VRK2: variants seen among roughly 807,000 people sequenced by gnomAD.
VRK2 encodes the protein VRK serine/threonine kinase 2.
A neutral mutation model predicts 57.6 loss-of-function variants in VRK2; 60 were observed. The ratio of observed to expected loss-of-function variants is 1.04; its 90% confidence interval spans 0.85 to 1.29. The LOEUF (loss-of-function observed/expected upper bound fraction) is 1.29, where lower values mean the gene tolerates loss of function less well. Ranked by LOEUF, VRK2 falls within the 50% of genes most tolerant of loss-of-function variation. The pLI is 0.00. For synonymous variants in VRK2, 231 were observed against 199.2 expected, an observed-to-expected ratio of 1.16 and a Z score of -1.35; for missense variants, 705 against 588.1, an observed-to-expected ratio of 1.20 and a Z score of -2.06.
chr2:57,945,421 A>G (rs1267464718), intron 1 of VRK2, among the ~76,000 whole-genome samples: 1 of 152,162 alleles, frequency 6.6e-6, no homozygotes, highest in Non-Finnish European at 1.5e-5. Flanking sequence ...AAGGTCTGGC[A>G]CATAATAGCT....
intron 8 of VRK2, among the ~76,000 whole-genome samples, chr2:58,130,609 G>T (rs907754703): frequency 6.6e-6 from 1 of 152,240 alleles, no homozygotes; most frequent in Middle Eastern, 3.4e-3. Context: ...CGATGTGTTG[G>T]CATCATTGTT....
intron 11 of VRK2, 84 bp from the exon 12 acceptor site, chr2:58,146,232 T>C (rs1682102105): frequency 8.2e-7 from 1 of 1,216,182 alleles, no homozygotes; most frequent in African/African-American, 1.6e-5. Flanking sequence ...AGTTTAGAGC[T>C]TTTAAGAATC....
intron 2 of VRK2, among the ~76,000 whole-genome samples, chr2:58,079,040 A>G (rs567825924): frequency 2.6e-5 from 4 of 152,190 alleles, no homozygotes; most frequent in African/African-American, 9.6e-5. Context: ...TATATTCTGT[A>G]TATTTACCTC....
intron 1 of VRK2, among the ~76,000 whole-genome samples, chr2:58,008,547 A>AGAAGGAAGGTAG (rs1198164747): frequency 6.6e-6 from 1 of 152,024 alleles, no homozygotes; most frequent in Admixed American, 6.6e-5. Context: ...GAAGGAAGGC[A>AGAAGGAAGGTAG]GAAGGAAGGT....
intron 2 of VRK2, among the ~76,000 whole-genome samples, chr2:58,077,280 C>A (rs937141831): frequency 2.6e-5 from 4 of 151,964 alleles, no homozygotes; most frequent in Non-Finnish European, 5.9e-5. Flanking sequence ...ACCTAGAACA[C>A]CCTATCAGTT....
At position 58,123,113 on chromosome 2, in the gene VRK2, G is replaced by T; in HGVS notation, c.556G>T (p.Asp186Tyr). The change falls in exon 8 of 13, where the codon GAT (aspartate) becomes TAT (tyrosine). Residue 186 changes from aspartate (D) to tyrosine (Y), a missense_variant. By Grantham distance (160) the Asp-to-Tyr change is radical. Coordinates refer to ENST00000340157, the MANE Select transcript of VRK2 (RefSeq NM_006296.7). ...YKNPDQVYLADYGLSYRYCPN... is the reference protein window; with the variant it reads ...YKNPDQVYLAYYGLSYRYCPN... ...GCTTGTCTTCCAGGTTTATCTTGCA[G>T]ATTATGGACTTTCCTACAGATATTG... 6.3e-7 allele frequency: 1 copy of T among 1,599,078 alleles called. No homozygotes were observed. Among genetic ancestry groups the T allele is most frequent in the Non-Finnish European group, 8.5e-7 (1 of 1,175,822 alleles).
chr2:57,964,390 TGAAGAGGAGTAG>T (rs1378358255), intron 1 of VRK2, among the ~76,000 whole-genome samples: 2 of 152,008 alleles, frequency 1.3e-5, no homozygotes, highest in African/African-American at 4.8e-5. Context: ...TTAAGTAGAC[TGAAGAGGAGTAG>T]GAAGAGGAGG....
intron 2 of VRK2, among the ~76,000 whole-genome samples, chr2:58,078,463 T>C (rs1399076722): frequency 1.3e-5 from 2 of 152,118 alleles, no homozygotes; most frequent in African/African-American, 4.8e-5. Context: ...TGAGCATGGG[T>C]GTGCATGTAT....
chr2:58,113,172 G>A (rs1247402960), intron 7 of VRK2, among the ~76,000 whole-genome samples: 1 of 152,016 alleles, frequency 6.6e-6, no homozygotes, highest in Non-Finnish European at 1.5e-5. Flanking sequence ...AGCTGGGCGT[G>A]GTGGCACACG....
chr2:57,939,427 CT>C (rs902493105), intron 1 of VRK2, among the ~76,000 whole-genome samples: 1 of 152,158 alleles, frequency 6.6e-6, no homozygotes, highest in Non-Finnish European at 1.5e-5. Flanking sequence ...CTACCAGCCA[CT>C]TTTTTCTATA....
At chr2:57,940,615 G>A (rs1379467843) in intron 1 of VRK2, among the ~76,000 whole-genome samples, 2 of 152,064 alleles carry the variant, frequency 1.3e-5, no homozygotes, top group African/African-American at 4.8e-5. Flanking sequence ...GGGAAAAAAA[G>A]GTCAAACATT....
chr2:58,026,610 T>C (rs1462536500), intron 2 of VRK2: 3 of 152,190 alleles, frequency 2.0e-5, no homozygotes. Flanking sequence ...TGGAATAAAG[T>C]ACCATTTAAT....
At chr2:58,147,330 CTT>C (rs1682318489) in intron 12 of VRK2, 4 of 344,924 alleles carry the variant, frequency 1.2e-5, no homozygotes, top group African/African-American at 8.4e-5. Context: ...TAATAGCAAT[CTT>C]TTACATTCTT....
intron 7 of VRK2, among the ~76,000 whole-genome samples, chr2:58,100,430 C>T (rs1032216048): frequency 2.4e-4 from 36 of 151,740 alleles, no homozygotes; most frequent in African/African-American, 8.5e-4. Flanking sequence ...TATAATATTA[C>T]TAGGTGGTAT....
At chr2:57,992,028 G>A (rs1572751552) in intron 1 of VRK2, among the ~76,000 whole-genome samples, 1 of 151,658 alleles carries the variant, frequency 6.6e-6, no homozygotes, top group Non-Finnish European at 1.5e-5. Context: ...CAAGCATCTA[G>A]AAGAGTGGTA....
intron 11 of VRK2, among the ~76,000 whole-genome samples, chr2:58,143,250 C>A (rs1558695383): frequency 1.3e-5 from 2 of 151,860 alleles, no homozygotes; most frequent in African/African-American, 4.8e-5. Flanking sequence ...TTTTATAGAA[C>A]AGTGTGAAGT....
At chr2:58,157,947 T>TA (rs1286373165) in intron 12 of VRK2, among the ~76,000 whole-genome samples, 1 of 152,208 alleles carries the variant, frequency 6.6e-6, no homozygotes, top group African/African-American at 2.4e-5. Context: ...ACTCCTGTTA[T>TA]AGACTATCCT....
At chr2:58,134,205 G>T (rs1237669351) in intron 9 of VRK2, among the ~76,000 whole-genome samples, 1 of 152,094 alleles carries the variant, frequency 6.6e-6, no homozygotes, top group Non-Finnish European at 1.5e-5. Context: ...TAGAACCCCT[G>T]TACCCCAAGC....
intron 1 of VRK2, among the ~76,000 whole-genome samples, chr2:57,916,299 A>T (rs1044069669): frequency 6.6e-6 from 1 of 151,418 alleles, no homozygotes; most frequent in Non-Finnish European, 1.5e-5. Context: ...CCAGCTACTC[A>T]GGAAGTTGAG....
Sources: allele counts gnomAD v4.1 joint callset (sites outside exome capture counted in the v4.1 genomes callset), GRCh38; gene constraint gnomAD v4.1.1; transcripts MANE v1.5; gene names NCBI Gene and HGNC (gene_info 2026-07-23, HGNC 2026-07-21).